MMS19: variants seen among roughly 807,000 people sequenced by gnomAD.
The protein encoded by MMS19 is MMS19 nucleotide excision repair protein homolog.
A neutral mutation model predicts 129.8 loss-of-function variants in MMS19; 77 were observed. The ratio of observed to expected loss-of-function variants is 0.59; its 90% CI spans 0.49 to 0.72. The LOEUF (loss-of-function observed/expected upper bound fraction) is 0.72. MMS19 is among the 30% of genes least tolerant of loss of function. The probability of loss-of-function intolerance (pLI) is 0.00; values close to 1 mark genes in which losing one functional copy is unlikely to be tolerated. For synonymous variants in MMS19, 491 were observed against 502.8 expected (o/e 0.98, Z 0.31); for missense variants, 1,168 against 1,266.3 (o/e 0.92, Z 1.18).
chr10:97,467,956 G>A (rs1422515486), intron 13 of MMS19, among the ~76,000 whole-genome samples: 1 of 151,114 alleles, frequency 6.6e-6, no homozygotes, highest in East Asian at 1.9e-4. Flanking sequence ...GCATGAACCA[G>A]CATGTCCTGC....
intron 17 of MMS19, 44 bp downstream of exon 17, chr10:97,466,015 C>A: frequency 6.2e-7 from 1 of 1,612,288 alleles, no homozygotes; most frequent in Non-Finnish European, 8.5e-7. Context: ...GGCCCCAAAG[C>A]CTTGCTGGAA....
intron 13 of MMS19, 136 bp downstream of exon 13, chr10:97,468,116 A>G: frequency 7.3e-6 from 5 of 687,098 alleles, no homozygotes; most frequent in Non-Finnish European, 1.1e-5. Flanking sequence ...TGAGTAAGGG[A>G]AGCAGCAGCA....
At position 97,458,541 on chromosome 10, in the gene MMS19, T is replaced by C; in HGVS notation, c.*151A>G. The stretch of plus-strand genomic sequence containing the variant: ...TAGAAATATGGACTCTTATGTTCTT[T>C]GTACAGCCATGCAACAGAGGCCTAG... On this transcript the variant is annotated 3_prime_UTR_variant, in exon 31 of 31. Transcript: ENST00000438925. The C allele has an allele frequency of 1.4e-6, 1 of 703,140 alleles. No individual in the cohort carries two copies. The highest frequency in any genetic ancestry group is 1.9e-5 in the South Asian group (1 of 51,668). The allele number at this position is 703,140 out of a possible 1,614,324, so 43.6% of individuals were successfully genotyped here.
rs1315124389 is a variant in MMS19 at position 97,477,334 on chromosome 10, C to T, written c.493+13G>A. 14 of 1,613,326 alleles carry T rather than the reference C, an allele frequency of 8.7e-6. No homozygotes were observed. In the Middle Eastern group the frequency reaches 6.6e-4, roughly 76 times the overall value. On this transcript the variant is annotated intron_variant, in intron 6 of 30. Transcript: ENST00000438925. ...CTTGCTTTTGACATTTCCCAGAAAG[C>T]TCTGTCTCTTACCTTCTTCCCGGGT...
rs374028842 is a variant in MMS19 at position 97,469,052 on chromosome 10, T to C, written c.977A>G (p.His326Arg). Reference sequence around the variant, plus strand: ...GCGAGACAAACACGCAGTCAGGGAGTGGAGGGCCGCCAGGCCCTCTGCCTC... The same window carrying C: ...GCGAGACAAACACGCAGTCAGGGAGCGGAGGGCCGCCAGGCCCTCTGCCTC... Reference protein sequence around the residue: ...RVEAEGLAALHSLTACLSRSV... With the variant: ...RVEAEGLAALRSLTACLSRSV... Residue 326 changes from histidine to arginine, a missense_variant, in exon 12 of 31, where the codon CAC (histidine) becomes CGC (arginine). By Grantham distance (29) the His-to-Arg change is conservative (BLOSUM62 0). Transcript: ENST00000438925. 19 of 1,582,792 alleles carry C rather than the reference T, an allele frequency of 1.2e-5. No homozygotes were observed. Among genetic ancestry groups the C allele is most frequent in the Admixed American group, 3.6e-5 (2 of 55,590 alleles).
intron 8 of MMS19, among the ~76,000 whole-genome samples, chr10:97,473,366 TA>T (rs1248273243): frequency 6.6e-6 from 1 of 152,078 alleles, no homozygotes; most frequent in Non-Finnish European, 1.5e-5. Flanking sequence ...TACATGCCCA[TA>T]ATGTCAAAAA....
chr10:97,461,037 A>G, intron 23 of MMS19, 30 bp from the exon 24 acceptor site: 1 of 1,492,848 alleles, frequency 6.7e-7, no homozygotes, highest in Non-Finnish European at 9.1e-7. Flanking sequence ...TGCTGACATA[A>G]AGGCTACACA....
chr10:97,469,021 C>A lies in MMS19; in HGVS notation c.1008G>T (p.Val336=). 1.3e-6 allele frequency: 2 copies of A among 1,587,240 alleles called. No individual in the cohort carries two copies. The highest frequency in any genetic ancestry group is 8.6e-7 in the Non-Finnish European group (1 of 1,166,740). Residue 336 remains valine, a synonymous_variant, in exon 12 of 31, where the codon GTG becomes GTT. Coordinates refer to ENST00000438925, the MANE Select transcript of MMS19 (RefSeq NM_022362.5). ...HSLTACLSRS[V]LRADAEDLLD... is the part of the protein sequence containing the mutation. ...GGAGGTCCTCAGCATCAGCCCTCAG[C>A]ACAGAGCGAGACAAACACGCAGTCA...
At chr10:97,468,166 C>T (rs1484158692) in intron 13 of MMS19, 86 bp downstream of exon 13, 1 of 1,372,608 alleles carries the variant, frequency 7.3e-7, no homozygotes. Flanking sequence ...ACTATGTTGG[C>T]CCAAGCTAAA....
chr10:97,459,993 G>T, intron 26 of MMS19, 53 bp downstream of exon 26: 1 of 1,570,814 alleles, frequency 6.4e-7, no homozygotes, highest in Non-Finnish European at 8.7e-7. Flanking sequence ...AGGGAATGTG[G>T]CCAAGCAAAG....
intron 18 of MMS19, among the ~76,000 whole-genome samples, chr10:97,464,668 C>A (rs1157300900): frequency 1.3e-5 from 2 of 151,742 alleles, no homozygotes; most frequent in Non-Finnish European, 2.9e-5. Context: ...CAATTCAGAT[C>A]CCACATGAAA....
At chr10:97,466,203 C>T (rs371868152) in intron 16 of MMS19, 44 bp from the exon 17 acceptor site, 1 of 1,476,468 alleles carries the variant, frequency 6.8e-7, no homozygotes, top group Non-Finnish European at 9.3e-7. Context: ...CCTGGGCTCA[C>T]AGCTCTCTTG....
rs758785025 is a variant in MMS19, at chr10:97,477,906, T to C, written c.372A>G (p.Pro124=). 3 of 1,608,184 alleles carry C rather than the reference T, an allele frequency of 1.9e-6. No individual in the cohort carries two copies. The highest frequency in any genetic ancestry group is 1.7e-6 in the Non-Finnish European group (2 of 1,177,714). Residue 124 remains proline, a synonymous_variant, in exon 5 of 31, where the codon CCA becomes CCG. Coordinates refer to ENST00000438925, the MANE Select transcript of MMS19 (RefSeq NM_022362.5). ...CTTTAAGCACAGAAACAGCCAGCCC[T>C]GGGGGCAGGGCCACACACAGGCTCT... is the stretch of plus-strand genomic sequence containing the variant. ...KALSLCVALP[P]GLAVSVLKAI...
rs1589782611 is a variant in MMS19, at chr10:97,488,557, C to T, written c.113-4406G>A. Among the ~76,000 whole-genome samples the T allele has an allele frequency of 2.0e-5, 3 of 152,278 alleles. No homozygotes were observed. The South Asian group carries it at 6.2e-4, about 32-fold the overall frequency. ...ATAAAATGGTAAGAGTATTTGCATA[C>T]AAACTATGGACACTCTCCTGTATAC... On this transcript the variant is annotated intron_variant, in intron 1 of 30. Coordinates refer to ENST00000438925, the MANE Select transcript of MMS19 (RefSeq NM_022362.5).
Position 97,478,357 on chromosome 10 carries a change from G to A in MMS19, c.295C>T (p.Leu99=). The A allele has an allele frequency of 6.2e-7, 1 of 1,606,166 alleles. No homozygotes were observed. Residue 99 remains leucine (L), a synonymous_variant, in exon 4 of 31, where the codon CTG becomes TTG. Coordinates refer to ENST00000438925, the MANE Select transcript of MMS19 (RefSeq NM_022362.5). ...VHLILFYENR[L]KDHHLVIPSV... is the part of the protein sequence containing the mutation. ...GGGATCACAAGATGATGGTCCTTCAGCCGGTTCTCATAGAACAGTATCAGG... is the reference window on the plus strand; with the variant it reads ...GGGATCACAAGATGATGGTCCTTCAACCGGTTCTCATAGAACAGTATCAGG...
chr10:97,473,632 G>A (rs574276872), intron 8 of MMS19, among the ~76,000 whole-genome samples: 1 of 151,718 alleles, frequency 6.6e-6, no homozygotes, highest in Admixed American at 6.6e-5. Context: ...GACATTGTTT[G>A]GCTAAGAATG....
rs1219227760 is a variant in MMS19, at chr10:97,462,014, T to C, written c.2115+3A>G. 2 of 1,585,564 alleles carry C rather than the reference T, an allele frequency of 1.3e-6. No individual in the cohort carries two copies. The highest frequency in any genetic ancestry group is 2.7e-5 in the African/African-American group (2 of 74,278). The stretch of plus-strand genomic sequence containing the variant: ...TGAAGGATGTAAGTTCTAAGACTGT[T>C]ACCTGGAATGGCTGGAATCTGCTCG... On this transcript the variant is annotated splice_donor_region_variant and intron_variant, in intron 21 of 30. Transcript: ENST00000438925.
At chr10:97,469,601 A>G in intron 11 of MMS19, 45 bp downstream of exon 11, 2 of 1,489,788 alleles carry the variant, frequency 1.3e-6, no homozygotes, top group Non-Finnish European at 1.9e-6. Flanking sequence ...CTCATGCCTG[A>G]CAATTGAAAG....
At chr10:97,490,979 C>T (rs1003942380) in intron 1 of MMS19, among the ~76,000 whole-genome samples, 1 of 152,130 alleles carries the variant, frequency 6.6e-6, no homozygotes, top group East Asian at 1.9e-4. Flanking sequence ...GGTTCTATAC[C>T]CAATTCCTTA....
Sources: gnomAD v4.1 joint callset for allele counts (sites outside exome capture counted in the v4.1 genomes callset) on GRCh38, gnomAD v4.1.1 for gene constraint, MANE v1.5 for transcripts, NCBI Gene and HGNC (gene_info 2026-07-23, HGNC 2026-07-21) for gene names.